VWA3B: variants seen among roughly 807,000 people sequenced by gnomAD.
VWA3B encodes the protein von Willebrand factor A domain containing 3B.
In VWA3B, 138 loss-of-function variants were observed where a neutral mutation model predicts 158.3. The observed-to-expected ratio is 0.87, with a 90% CI of 0.76 to 1.00. The LOEUF (loss-of-function observed/expected upper bound fraction) is 1.00, where lower values mean the gene tolerates loss of function less well. VWA3B is among the 50% of genes least tolerant of loss of function. The pLI is 0.00. For synonymous variants in VWA3B, 596 were observed against 587.3 expected, an observed-to-expected ratio of 1.01 and a Z score of -0.21; for missense variants, 1,555 against 1,565.1, an observed-to-expected ratio of 0.99 and a Z score of 0.11.
At chr2:98,089,493 G>A (rs1165996054) in intron 1 of VWA3B, among the ~76,000 whole-genome samples, 1 of 142,252 alleles carries the variant, frequency 7.0e-6, no homozygotes, top group Admixed American at 7.2e-5. Context: ...CTGGAGGTGG[G>A]AAAGCAGGCG....
the VWA3B span, among the ~76,000 whole-genome samples, chr2:98,327,508 TA>T: frequency 6.6e-6 from 1 of 152,022 alleles, no homozygotes; most frequent in Non-Finnish European, 1.5e-5. Context: ...ATACAAGAAA[TA>T]AAAGACTGTT....
intron 13 of VWA3B, among the ~76,000 whole-genome samples, chr2:98,215,504 CA>C (rs1683906533): frequency 2.6e-5 from 4 of 151,460 alleles, no homozygotes; most frequent in Admixed American, 2.6e-4. Context: ...TTACCCCAAA[CA>C]TAATTTCGAA....
chr2:98,173,195 C>A (rs982121504), intron 8 of VWA3B, among the ~76,000 whole-genome samples: 2 of 152,188 alleles, frequency 1.3e-5, no homozygotes, highest in Non-Finnish European at 1.5e-5. Flanking sequence ...AGATCTGGGG[C>A]AGGGCGCAGC....
At chr2:98,219,279 C>A (rs925974292) in intron 14 of VWA3B, among the ~76,000 whole-genome samples, 5 of 151,876 alleles carry the variant, frequency 3.3e-5, no homozygotes, top group African/African-American at 1.2e-4. Context: ...ATGAAAGGTA[C>A]AAGTAAGACA....
At position 98,218,014 on chromosome 2, in the gene VWA3B, C is replaced by T; in HGVS notation, c.2005C>T (p.Pro669Ser). The change falls in exon 14 of 28, where the codon CCA becomes TCA. Residue 669 changes from proline to serine, a missense_variant. Transcript: ENST00000477737. ...TTTTGGTTGCAAGGATCCCACTCCC[C>T]CAGAGGCTGTTCAGGTAAGAGCTTG... ...YNFGCKDPTP[P>S]EAVQNEDLTL... 1 of 1,608,792 alleles carries T rather than the reference C, an allele frequency of 6.2e-7. No homozygotes were observed. The highest frequency in any genetic ancestry group is 8.5e-7 in the Non-Finnish European group (1 of 1,177,716).
chr2:98,177,622 C>T (rs1384087232), intron 8 of VWA3B, among the ~76,000 whole-genome samples: 1 of 150,882 alleles, frequency 6.6e-6, no homozygotes, highest in Non-Finnish European at 1.5e-5. Context: ...GTTTTGATTG[C>T]TTGGTCATCC....
chr2:98,110,126 C>T (rs2104904212), intron 2 of VWA3B, among the ~76,000 whole-genome samples: 1 of 148,568 alleles, frequency 6.7e-6, no homozygotes, highest in African/African-American at 2.5e-5. Context: ...TTTCTCTTCT[C>T]CTTCTGGCAC....
At chr2:98,233,647 T>C (rs764211468) in intron 16 of VWA3B, among the ~76,000 whole-genome samples, 1 of 152,232 alleles carries the variant, frequency 6.6e-6, no homozygotes, top group Non-Finnish European at 1.5e-5. Flanking sequence ...GATTACCGTA[T>C]AGCACACTCC....
intron 8 of VWA3B, among the ~76,000 whole-genome samples, chr2:98,178,807 G>A (rs1680228702): frequency 6.6e-6 from 1 of 152,130 alleles, no homozygotes; most frequent in African/African-American, 2.4e-5. Flanking sequence ...CTCCTCAGGG[G>A]ATGCCACTGT....
chr2:98,259,922 G>GT (rs1687379859), intron 21 of VWA3B, among the ~76,000 whole-genome samples: 1 of 151,628 alleles, frequency 6.6e-6, no homozygotes, highest in Non-Finnish European at 1.5e-5. Flanking sequence ...ATTTGGGTGT[G>GT]TTGTGTTTTC....
intron 12 of VWA3B, among the ~76,000 whole-genome samples, chr2:98,195,100 A>G (rs1324762303): frequency 6.6e-6 from 1 of 152,188 alleles, no homozygotes; most frequent in Non-Finnish European, 1.5e-5. Flanking sequence ...AGCATTGCGA[A>G]CTTCCAAATA....
chr2:98,144,635 C>G (rs559526409), intron 7 of VWA3B, among the ~76,000 whole-genome samples: 1 of 151,086 alleles, frequency 6.6e-6, no homozygotes, highest in African/African-American at 2.4e-5. Flanking sequence ...GGTGTGATCT[C>G]GACTCACTGC....
chr2:98,209,196 T>A (rs1683282313), intron 12 of VWA3B, among the ~76,000 whole-genome samples: 1 of 152,242 alleles, frequency 6.6e-6, no homozygotes, highest in South Asian at 2.1e-4. Context: ...TTGGTGTGGC[T>A]TTCTTTGGTT....
intron 8 of VWA3B, among the ~76,000 whole-genome samples, chr2:98,175,138 A>G (rs1173840681): frequency 4.6e-5 from 7 of 152,234 alleles, no homozygotes; most frequent in Admixed American, 2.0e-4. Flanking sequence ...GAAATAAAGT[A>G]TGGACCATAC....
intron 5 of VWA3B, among the ~76,000 whole-genome samples, chr2:98,124,330 A>G (rs1675196107): frequency 6.6e-6 from 1 of 152,192 alleles, no homozygotes; most frequent in Non-Finnish European, 1.5e-5. Context: ...TTGTGACTTG[A>G]AGTGAGATGG....
intron 8 of VWA3B, among the ~76,000 whole-genome samples, chr2:98,163,395 G>A (rs376330399): frequency 1.3e-5 from 2 of 152,100 alleles, no homozygotes; most frequent in East Asian, 1.9e-4. Context: ...AAAATTAGCT[G>A]GGTGTGGTGG....
chr2:98,267,946 T>A (rs1687950646), intron 21 of VWA3B, among the ~76,000 whole-genome samples: 1 of 151,914 alleles, frequency 6.6e-6, no homozygotes, highest in East Asian at 1.9e-4. Context: ...CTAGAAGAAA[T>A]GGATAAATTC....
intron 26 of VWA3B, among the ~76,000 whole-genome samples, chr2:98,309,646 C>T (rs1356019076): frequency 6.6e-6 from 1 of 152,240 alleles, no homozygotes; most frequent in Non-Finnish European, 1.5e-5. Flanking sequence ...GTGTTGTGGA[C>T]TCACATTGTC....
intron 14 of VWA3B, among the ~76,000 whole-genome samples, chr2:98,221,675 C>T (rs1684520216): frequency 6.6e-6 from 1 of 152,166 alleles, no homozygotes; most frequent in African/African-American, 2.4e-5. Flanking sequence ...TTACATTCTC[C>T]TACTAGAGTA....
Sources: allele counts gnomAD v4.1 joint callset (sites outside exome capture counted in the v4.1 genomes callset), GRCh38; gene constraint gnomAD v4.1.1; transcripts MANE v1.5; gene names NCBI Gene and HGNC (gene_info 2026-07-23, HGNC 2026-07-21).